ARSB: variants seen among roughly 807,000 people sequenced by gnomAD.
ARSB encodes N-acetylgalactosamine-4-sulfatase.
ARSB carries 41 observed loss-of-function variants against 50.9 expected under a neutral mutation model. The observed-to-expected ratio is 0.81, with a 90% CI of 0.63 to 1.04. The LOEUF is 1.04. Ranked by LOEUF, ARSB falls within the 50% of genes least tolerant of loss-of-function variation. The probability of loss-of-function intolerance (pLI) is 0.00; values close to 1 mark genes in which losing one functional copy is unlikely to be tolerated. For synonymous variants in ARSB, 269 were observed against 284.8 expected, an observed-to-expected ratio of 0.94 and a Z score of 0.56; for missense variants, 672 against 693.3, an observed-to-expected ratio of 0.97 and a Z score of 0.35.
At position 78,910,764 on chromosome 5, in the gene ARSB, T is replaced by C. The variant is rs551564612; in HGVS notation, c.899-24937A>G. 3.6e-3 allele frequency among the ~76,000 whole-genome samples: 553 copies of C among 152,348 alleles called. 2 individuals are homozygous for C. The highest frequency in any genetic ancestry group is 6.3e-3 in the Non-Finnish European group (428 of 68,038). On this transcript the variant is annotated intron_variant, in intron 4 of 7. Transcript: ENST00000264914. Reference sequence around the variant, plus strand: ...ACTATCTGAAAATATAAAATCTCTCTAGAACAGCTCTCAAGCAATAGTGTG... The same window carrying C: ...ACTATCTGAAAATATAAAATCTCTCCAGAACAGCTCTCAAGCAATAGTGTG...
At chr5:78,961,254 TG>T (rs1278786259) in intron 3 of ARSB, among the ~76,000 whole-genome samples, 2 of 152,350 alleles carry the variant, frequency 1.3e-5, no homozygotes, top group East Asian at 3.9e-4. Flanking sequence ...CTCCTCAAAC[TG>T]GTGAGTTGCA....
chr5:78,804,060 T>C lies in ARSB; in HGVS notation c.1214-22086A>G, dbSNP rs16875943. On this transcript the variant is annotated intron_variant, in intron 6 of 7. Transcript: ENST00000264914. Reference sequence around the variant, plus strand: ...GTATAAGCAGGCACCCAAATGGCTCTAACAGTCTTCAGCCATTAACGTTCT... The same window carrying C: ...GTATAAGCAGGCACCCAAATGGCTCCAACAGTCTTCAGCCATTAACGTTCT... Among the ~76,000 whole-genome samples the C allele has an allele frequency of 7.9e-3, 1,209 of 152,332 alleles. 10 individuals carry two copies. The highest frequency in any genetic ancestry group is 0.013 in the Admixed American group (193 of 15,298).
intron 4 of ARSB, among the ~76,000 whole-genome samples, chr5:78,913,527 C>T (rs1248963064): frequency 6.6e-6 from 1 of 152,178 alleles, no homozygotes; most frequent in East Asian, 1.9e-4. Flanking sequence ...ATGGAACTTA[C>T]TTATTTCTTT....
intron 6 of ARSB, among the ~76,000 whole-genome samples, chr5:78,837,758 T>A (rs551058196): frequency 6.6e-6 from 1 of 152,220 alleles, no homozygotes; most frequent in Admixed American, 6.5e-5. Flanking sequence ...TCACAGCACA[T>A]CTCAATCCAC....
intron 5 of ARSB, among the ~76,000 whole-genome samples, chr5:78,851,623 TTC>T (rs1396948234): frequency 6.6e-6 from 1 of 152,198 alleles, no homozygotes; most frequent in Non-Finnish European, 1.5e-5. Flanking sequence ...TTTGTTAACT[TTC>T]TGTCTCATTG....
intron 4 of ARSB, among the ~76,000 whole-genome samples, chr5:78,928,950 T>C (rs1750189781): frequency 6.6e-6 from 1 of 152,110 alleles, no homozygotes; most frequent in South Asian, 2.1e-4. Context: ...GAACACACCT[T>C]CACTTCCTCT....
At chr5:78,947,262 A>G (rs1187484642) in intron 4 of ARSB, among the ~76,000 whole-genome samples, 1 of 152,242 alleles carries the variant, frequency 6.6e-6, no homozygotes, top group Non-Finnish European at 1.5e-5. Context: ...AGGTAACCAA[A>G]GCAAAAATGG....
intron 5 of ARSB, among the ~76,000 whole-genome samples, chr5:78,877,051 A>C (rs1747515766): frequency 6.6e-6 from 1 of 152,124 alleles, no homozygotes; most frequent in South Asian, 2.1e-4. Context: ...GGTGCCAGAG[A>C]GTTTGGGGAC....
intron 4 of ARSB, among the ~76,000 whole-genome samples, chr5:78,923,039 A>C (rs1192885232): frequency 6.6e-6 from 1 of 152,166 alleles, no homozygotes; most frequent in Admixed American, 6.5e-5. Context: ...CTTTGCTTGG[A>C]CCAAAGGCAG....
At chr5:78,853,150 A>G (rs1745928698) in intron 5 of ARSB, among the ~76,000 whole-genome samples, 1 of 152,208 alleles carries the variant, frequency 6.6e-6, no homozygotes, top group East Asian at 1.9e-4. Context: ...TAGAGTTTCC[A>G]GTTTTTCTGC....
intron 5 of ARSB, among the ~76,000 whole-genome samples, chr5:78,851,161 A>G (rs1386003069): frequency 6.6e-6 from 1 of 151,946 alleles, no homozygotes; most frequent in Non-Finnish European, 1.5e-5. Flanking sequence ...TAGGGTGTCA[A>G]TTTTGGATCT....
chr5:78,789,541 T>C (rs997212734), intron 6 of ARSB, among the ~76,000 whole-genome samples: 1 of 152,174 alleles, frequency 6.6e-6, no homozygotes, highest in Non-Finnish European at 1.5e-5. Flanking sequence ...TAACGATGCA[T>C]GTACAGCAGA....
At chr5:78,797,560 T>C (rs1000575365) in intron 6 of ARSB, among the ~76,000 whole-genome samples, 1 of 152,178 alleles carries the variant, frequency 6.6e-6, no homozygotes, top group African/African-American at 2.4e-5. Flanking sequence ...GCCTTGGCCA[T>C]CAAAACAGGT....
chr5:78,888,077 T>C (rs560852894), intron 4 of ARSB, among the ~76,000 whole-genome samples: 1 of 152,312 alleles, frequency 6.6e-6, no homozygotes, highest in East Asian at 1.9e-4. Context: ...AGTCTTGAGT[T>C]AGATCAGGTG....
intron 5 of ARSB, among the ~76,000 whole-genome samples, chr5:78,870,919 T>C (rs1389983465): frequency 2.6e-5 from 4 of 152,174 alleles, no homozygotes; most frequent in African/African-American, 7.2e-5. Flanking sequence ...GAAAACCCCA[T>C]TGTCTCAGCC....
chr5:78,848,514 G>A (rs1376934044), intron 5 of ARSB, among the ~76,000 whole-genome samples: 5 of 151,074 alleles, frequency 3.3e-5, no homozygotes, highest in Admixed American at 6.6e-5. Flanking sequence ...GAATAGTGCC[G>A]CAATAAACAT....
At chr5:78,862,046 T>A (rs943643431) in intron 5 of ARSB, among the ~76,000 whole-genome samples, 1 of 152,078 alleles carries the variant, frequency 6.6e-6, no homozygotes, top group African/African-American at 2.4e-5. Flanking sequence ...TACCTAGGAA[T>A]CCAACTTACA....
At chr5:78,904,541 T>C (rs965155326) in intron 4 of ARSB, among the ~76,000 whole-genome samples, 2 of 152,086 alleles carry the variant, frequency 1.3e-5, no homozygotes, top group African/African-American at 2.4e-5. Flanking sequence ...ATATTTTTTC[T>C]ACACTAATAT....
intron 4 of ARSB, among the ~76,000 whole-genome samples, chr5:78,950,915 A>C (rs553745555): frequency 6.6e-5 from 10 of 152,222 alleles, no homozygotes; most frequent in Non-Finnish European, 1.5e-4. Context: ...AAGGTTCAGG[A>C]AAAGGATGGG....
Sources: gnomAD v4.1 joint callset for allele counts (sites outside exome capture counted in the v4.1 genomes callset) on GRCh38, gnomAD v4.1.1 for gene constraint, MANE v1.5 for transcripts, NCBI Gene and HGNC (gene_info 2026-07-23, HGNC 2026-07-21) for gene names.